Variants in GTF2A1 observed in about 807,000 individuals in gnomAD.
GTF2A1 encodes transcription initiation factor IIA subunit 1.
Under a neutral mutation model 54.1 loss-of-function variants are expected in GTF2A1, and 12 were observed. The observed-to-expected ratio is 0.22, with a 90% CI of 0.14 to 0.36. GTF2A1 has a LOEUF of 0.36. Ranked by LOEUF, GTF2A1 falls within the 10% of genes least tolerant of loss-of-function variation. The pLI, the probability that GTF2A1 is intolerant of heterozygous loss-of-function variation, is 1.00. For synonymous variants in GTF2A1, 145 were observed against 152.0 expected, an observed-to-expected ratio of 0.95 and a Z score of 0.34; for missense variants, 335 against 442.2, an observed-to-expected ratio of 0.76 and a Z score of 2.17.
chr14:81,219,581 G>C (rs568197041), intron 1 of GTF2A1, among the ~76,000 whole-genome samples: 1 of 152,346 alleles, frequency 6.6e-6, no homozygotes, highest in East Asian at 1.9e-4. Context: ...GTACGGTGTC[G>C]GGCGGCCGCG....
At chr14:81,181,648 G>T (rs1892641555) in intron 8 of GTF2A1, among the ~76,000 whole-genome samples, 1 of 152,108 alleles carries the variant, frequency 6.6e-6, no homozygotes, top group Non-Finnish European at 1.5e-5. Context: ...AGGTTCAAGT[G>T]ATTCTCCTGC....
At chr14:81,204,228 A>G in intron 2 of GTF2A1, 124 bp from the exon 3 acceptor site, 2 of 803,074 alleles carry the variant, frequency 2.5e-6, no homozygotes, top group South Asian at 2.8e-5. Context: ...ACAGAAATAC[A>G]ACAAATCTGT....
intron 8 of GTF2A1, 51 bp downstream of exon 8, chr14:81,185,480 G>C: frequency 1.0e-6 from 1 of 993,884 alleles, no homozygotes; most frequent in East Asian, 2.4e-5. Flanking sequence ...ATAATGTAGG[G>C]AAGAAATTAC....
At chr14:81,203,720 T>G (rs184826565) in intron 3 of GTF2A1, among the ~76,000 whole-genome samples, 180 bp downstream of exon 3, 23 of 152,168 alleles carry the variant, frequency 1.5e-4, no homozygotes, top group Admixed American at 1.5e-3. Context: ...TACATACACA[T>G]CCCTCAGCCA....
chr14:81,214,356 T>C (rs10142578), intron 2 of GTF2A1, among the ~76,000 whole-genome samples: 4 of 152,260 alleles, frequency 2.6e-5, no homozygotes, highest in African/African-American at 9.6e-5. Context: ...ATCAAATTAC[T>C]GAGACCCGGC....
At chr14:81,191,697 T>C (rs1193559017) in intron 7 of GTF2A1, among the ~76,000 whole-genome samples, 1 of 152,136 alleles carries the variant, frequency 6.6e-6, no homozygotes, top group Non-Finnish European at 1.5e-5. Context: ...CTAGGAATGA[T>C]GGGATTAGGG....
At chr14:81,207,495 G>C (rs1342715666) in intron 2 of GTF2A1, among the ~76,000 whole-genome samples, 1 of 152,110 alleles carries the variant, frequency 6.6e-6, no homozygotes, top group African/African-American at 2.4e-5. Context: ...GTCTTCATCA[G>C]CAGCGTGAAA....
At chr14:81,214,691 T>G (rs773152761) in intron 2 of GTF2A1, among the ~76,000 whole-genome samples, 95 of 152,126 alleles carry the variant, frequency 6.2e-4, no homozygotes, top group Non-Finnish European at 1.2e-3. Context: ...CTTTTCTGTA[T>G]GTGAATTACA....
At chr14:81,207,621 G>A (rs1377960503) in intron 2 of GTF2A1, among the ~76,000 whole-genome samples, 1 of 152,210 alleles carries the variant, frequency 6.6e-6, no homozygotes, top group Non-Finnish European at 1.5e-5. Context: ...ACGGTTTGGG[G>A]AGCTCAGAAG....
At position 81,176,817 on chromosome 14, in the gene GTF2A1, T is replaced by A. The variant is rs978218643; in HGVS notation, c.*3406A>T. The A allele has an allele frequency of 6.6e-6, 1 of 151,956 alleles. No individual in the cohort carries two copies. The highest frequency in any genetic ancestry group is 1.5e-5 in the Non-Finnish European group (1 of 67,932). 9.4% of individuals were successfully genotyped at this position (151,956 alleles called of 1,614,324 possible). A position where few individuals can be genotyped will look rare whatever the true frequency, so the allele number is the denominator to read the frequency against. On this transcript the variant is annotated 3_prime_UTR_variant, in exon 9 of 9. Coordinates refer to ENST00000553612, the MANE Select transcript of GTF2A1 (RefSeq NM_015859.4). ...AAAGATGGATCAACAAACTATTACA[T>A]TGCACAAAAGCTTAAAAAAAAGAAA...
intron 2 of GTF2A1, chr14:81,204,434 C>A: frequency 5.7e-6 from 2 of 348,914 alleles, no homozygotes; most frequent in South Asian, 2.6e-5. Context: ...CAAAGATTAT[C>A]CTTTATAATA....
chr14:81,197,852 A>G (rs1189573206), intron 4 of GTF2A1, among the ~76,000 whole-genome samples: 1 of 152,166 alleles, frequency 6.6e-6, no homozygotes, highest in African/African-American at 2.4e-5. Flanking sequence ...CCACATTAAC[A>G]ATGCTGTACA....
intron 8 of GTF2A1, among the ~76,000 whole-genome samples, chr14:81,183,689 A>G (rs940243047): frequency 1.3e-5 from 2 of 152,182 alleles, no homozygotes; most frequent in Non-Finnish European, 2.9e-5. Context: ...ATCTGATGCT[A>G]TTTTCGCTAA....
In GTF2A1 at chr14:81,192,608, CA is replaced by C; in HGVS notation, c.843del (p.Glu282LysfsTer39). On this transcript the variant is annotated frameshift_variant, in exon 7 of 9. Transcript: ENST00000553612. LOFTEE classifies it high-confidence loss of function. ...TCTTCTTCTTCATCTTCATCTTCTT[CA>C]GATGATGTATCCCCAGTTCCATCAA... Reference protein sequence around the residue: ...LQVDGTGDTSSEEDEDEEEDY... With the variant: ...LQVDGTGDTSXEEDEDEEEDY... 6.2e-7 allele frequency: 1 copy of C among 1,606,158 alleles called. No homozygotes were observed. The highest frequency in any genetic ancestry group is 8.5e-7 in the Non-Finnish European group (1 of 1,172,648).
intron 4 of GTF2A1, among the ~76,000 whole-genome samples, chr14:81,198,666 G>GT (rs745341764): frequency 1.3e-5 from 2 of 152,024 alleles, no homozygotes; most frequent in Non-Finnish European, 2.9e-5. Flanking sequence ...CATTTTGGTA[G>GT]TTTTTTCCCT....
At chr14:81,183,265 G>GGAATT (rs1892676466) in intron 8 of GTF2A1, among the ~76,000 whole-genome samples, 1 of 152,072 alleles carries the variant, frequency 6.6e-6, no homozygotes, top group Non-Finnish European at 1.5e-5. Context: ...TTCCTATAAA[G>GGAATT]TATTATTTAT....
chr14:81,214,645 C>CA (rs760706461), intron 2 of GTF2A1, among the ~76,000 whole-genome samples: 1,803 of 109,432 alleles, frequency 0.016, 17 homozygotes, highest in African/African-American at 0.034. Context: ...AACTCCGTCT[C>CA]AAAAAAAAAA....
At chr14:81,182,100 T>TA (rs200566518) in intron 8 of GTF2A1, among the ~76,000 whole-genome samples, 4,793 of 147,142 alleles carry the variant, frequency 0.033, 113 homozygotes, top group Non-Finnish European at 0.052. Context: ...TTTTGAGACT[T>TA]AAAAAAAAAA....
intron 2 of GTF2A1, among the ~76,000 whole-genome samples, chr14:81,207,326 T>C (rs764035334): frequency 1.2e-4 from 18 of 152,108 alleles, no homozygotes; most frequent in Non-Finnish European, 2.4e-4. Context: ...GGAGATCTGA[T>C]GGGTTTATCA....
Sources: allele counts gnomAD v4.1 joint callset (sites outside exome capture counted in the v4.1 genomes callset), GRCh38; gene constraint gnomAD v4.1.1; transcripts MANE v1.5; gene names NCBI Gene and HGNC (gene_info 2026-07-23, HGNC 2026-07-21).